Variants in MAP7 observed in about 807,000 individuals in gnomAD.
MAP7 encodes the protein microtubule associated protein 7, also known as ensconsin.
Under a neutral mutation model 94.8 loss-of-function variants are expected in MAP7, and 52 were observed. The ratio of observed to expected loss-of-function variants is 0.55; its 90% CI spans 0.44 to 0.69. MAP7 has a LOEUF of 0.69. MAP7 is among the 30% of genes least tolerant of loss of function. The pLI is 0.00. For missense variants in MAP7, 940 were observed against 964.6 expected (o/e 0.97, Z 0.34); for synonymous variants, 350 against 357.0 (o/e 0.98, Z 0.22).
chr6:136,480,817 C>A (rs1812615260), intron 1 of MAP7, among the ~76,000 whole-genome samples: 1 of 151,840 alleles, frequency 6.6e-6, no homozygotes, highest in African/African-American at 2.4e-5. Context: ...AGGAAACAAT[C>A]AAAAAGGGAA....
At chr6:136,398,673 G>C (rs1783205229) in intron 3 of MAP7, among the ~76,000 whole-genome samples, 1 of 152,176 alleles carries the variant, frequency 6.6e-6, no homozygotes, top group Non-Finnish European at 1.5e-5. Flanking sequence ...CCACCATGTA[G>C]GAATTGCCCT....
chr6:136,533,487 G>A (rs905854983), intron 1 of MAP7, among the ~76,000 whole-genome samples: 4 of 152,134 alleles, frequency 2.6e-5, no homozygotes, highest in African/African-American at 9.7e-5. Flanking sequence ...GCAAAGCATC[G>A]GACAGGTGAA....
rs1582769397 is a variant in MAP7 at position 136,391,507 on chromosome 6, T to C, written c.245-1990A>G. The stretch of plus-strand genomic sequence containing the variant: ...CATGGCACATGTATACATATGTAAC[T>C]AACCTGCACAATGTGCACATGTACC... On this transcript the variant is annotated intron_variant, in intron 3 of 17. Coordinates refer to ENST00000354570, the MANE Select transcript of MAP7 (RefSeq NM_003980.6). Among the ~76,000 whole-genome samples, 3 of 151,078 alleles carry C rather than the reference T, an allele frequency of 2.0e-5. No individual in the cohort carries two copies. In the East Asian group the frequency reaches 5.8e-4, roughly 29 times the overall value.
chr6:136,358,241 G>A (rs1314814245), intron 15 of MAP7, among the ~76,000 whole-genome samples: 1 of 152,194 alleles, frequency 6.6e-6, no homozygotes, highest in Non-Finnish European at 1.5e-5. Context: ...GAAAGGGCAG[G>A]AAGGGGGAAA....
chr6:136,389,158 T>G (rs1440465380), intron 4 of MAP7, among the ~76,000 whole-genome samples, 196 bp downstream of exon 4: 1 of 152,214 alleles, frequency 6.6e-6, no homozygotes, highest in Non-Finnish European at 1.5e-5. Context: ...TTAAACTTTC[T>G]GTGGCAATAA....
At chr6:136,450,336 C>G (rs1800717658) in intron 1 of MAP7, among the ~76,000 whole-genome samples, 1 of 151,906 alleles carries the variant, frequency 6.6e-6, no homozygotes, top group African/African-American at 2.4e-5. Flanking sequence ...AGCAATTTCC[C>G]ACTAACAATA....
At chr6:136,428,927 T>G (rs1233104258) in intron 1 of MAP7, among the ~76,000 whole-genome samples, 1 of 152,230 alleles carries the variant, frequency 6.6e-6, no homozygotes, top group Admixed American at 6.5e-5. Context: ...CTGAGAACTC[T>G]TTTTGTCACC....
At chr6:136,505,375 G>C (rs976525591) in intron 1 of MAP7, among the ~76,000 whole-genome samples, 9 of 148,364 alleles carry the variant, frequency 6.1e-5, no homozygotes, top group African/African-American at 2.3e-4. Flanking sequence ...GAGATAGGGA[G>C]AGGAAGGGAG....
At chr6:136,430,173 A>G (rs549459758) in intron 1 of MAP7, among the ~76,000 whole-genome samples, 4 of 152,362 alleles carry the variant, frequency 2.6e-5, no homozygotes, top group Admixed American at 2.6e-4. Flanking sequence ...GAAACTATTT[A>G]AATAATGTGG....
At chr6:136,351,934 C>T (rs1276570427) in intron 16 of MAP7, among the ~76,000 whole-genome samples, 1 of 152,088 alleles carries the variant, frequency 6.6e-6, no homozygotes, top group Non-Finnish European at 1.5e-5. Context: ...CCAGCAGCCT[C>T]CCCCCAGCAC....
At chr6:136,365,160 T>C (rs1390289625) in intron 10 of MAP7, 2 of 152,286 alleles carry the variant, frequency 1.3e-5, no homozygotes, top group Admixed American at 1.3e-4. Flanking sequence ...CTTCCACAGA[T>C]TTTTTTCATG....
intron 1 of MAP7, among the ~76,000 whole-genome samples, chr6:136,520,242 G>T (rs963520994): frequency 1.3e-5 from 2 of 150,040 alleles, no homozygotes; most frequent in African/African-American, 4.9e-5. Context: ...AGGAGGAGAA[G>T]AAGACAACAA....
At chr6:136,367,233 C>T (rs773489319) in intron 8 of MAP7, among the ~76,000 whole-genome samples, 3 of 152,054 alleles carry the variant, frequency 2.0e-5, no homozygotes, top group Non-Finnish European at 4.4e-5. Context: ...CAATGAAGAC[C>T]AAAACAAACA....
At chr6:136,498,603 G>A (rs916636844) in intron 1 of MAP7, among the ~76,000 whole-genome samples, 1 of 151,982 alleles carries the variant, frequency 6.6e-6, no homozygotes, top group Non-Finnish European at 1.5e-5. Flanking sequence ...ATGTTTGGTG[G>A]TTAGAGGGAG....
intron 8 of MAP7, among the ~76,000 whole-genome samples, chr6:136,368,978 GA>G: frequency 6.6e-6 from 1 of 152,302 alleles, no homozygotes; most frequent in Middle Eastern, 3.4e-3. Context: ...AACAAAGTTG[GA>G]ATTCTTACAT....
intron 1 of MAP7, among the ~76,000 whole-genome samples, chr6:136,430,861 T>C (rs185105706): frequency 6.6e-6 from 1 of 152,262 alleles, no homozygotes; most frequent in African/African-American, 2.4e-5. Flanking sequence ...TACAGCACAA[T>C]TGAGCAGAAA....
intron 6 of MAP7, among the ~76,000 whole-genome samples, chr6:136,381,877 T>TACACACACACACACACACACAC (rs1156527948): frequency 5.4e-4 from 50 of 93,022 alleles, no homozygotes; most frequent in East Asian, 2.8e-3. Flanking sequence ...CTTCTAACCT[T>TACACACACACACACACACACAC]ACACACACAC....
At chr6:136,517,390 C>T (rs1369069021) in intron 1 of MAP7, among the ~76,000 whole-genome samples, 1 of 152,210 alleles carries the variant, frequency 6.6e-6, no homozygotes, top group Non-Finnish European at 1.5e-5. Flanking sequence ...TTGGCACAGA[C>T]AAGCATGATG....
intron 6 of MAP7, 94 bp from the exon 7 acceptor site, chr6:136,377,962 C>T (rs918764154): frequency 2.4e-6 from 2 of 839,276 alleles, no homozygotes; most frequent in Admixed American, 4.0e-5. Context: ...TACGCTGGGC[C>T]TTCACAGGAC....
Sources: gnomAD v4.1 joint callset for allele counts (sites outside exome capture counted in the v4.1 genomes callset) on GRCh38, gnomAD v4.1.1 for gene constraint, MANE v1.5 for transcripts, NCBI Gene and HGNC (gene_info 2026-07-23, HGNC 2026-07-21) for gene names.